Variants in PCDH15 observed in about 807,000 individuals in gnomAD.
The protein encoded by PCDH15 is protocadherin related 15, also known as protocadherin-15.
In PCDH15, 129 loss-of-function variants were observed where a neutral mutation model predicts 178.5. The ratio of observed to expected loss-of-function variants is 0.72; its 90% confidence interval spans 0.63 to 0.84. PCDH15 has a LOEUF of 0.84. PCDH15 is among the 40% of genes least tolerant of loss of function. The pLI is 0.00. For missense variants in PCDH15, 2,230 were observed against 2,099.9 expected (o/e 1.06, Z -1.21); for synonymous variants, 800 against 732.0 (o/e 1.09, Z -1.50).
intron 3 of PCDH15, among the ~76,000 whole-genome samples, chr10:54,888,203 C>T (rs924497688): frequency 6.6e-6 from 1 of 152,086 alleles, no homozygotes; most frequent in African/African-American, 2.4e-5. Context: ...CTCTTCTCTG[C>T]TTTTGCCATT....
At position 53,938,880 on chromosome 10, in the gene PCDH15, T is replaced by C. The variant is rs1429273836; in HGVS notation, c.3308A>G (p.Tyr1103Cys). The part of the protein sequence containing the change: ...GPLDYETRTS[Y>C]VLRVQADSLE... Reference sequence around the variant, plus strand: ...GGAATCAGCTTGGACTCGAAGTACATAGCTTGTCCTGGTCTCATAATCCAG... The same window carrying C: ...GGAATCAGCTTGGACTCGAAGTACACAGCTTGTCCTGGTCTCATAATCCAG... The change falls in exon 25 of 38, where the codon TAT becomes TGT. Residue 1103 changes from tyrosine to cysteine, a missense_variant. Tyr to Cys is a radical substitution (Grantham distance 194). Transcript: ENST00000644397. 5.0e-6 allele frequency: 8 copies of C among 1,613,434 alleles called. No individual in the cohort carries two copies. In the African/African-American group the frequency reaches 9.3e-5, roughly 19 times the overall value.
intron 1 of PCDH15, among the ~76,000 whole-genome samples, chr10:55,212,969 C>T (rs1364060866): frequency 6.6e-6 from 1 of 152,038 alleles, no homozygotes; most frequent in African/African-American, 2.4e-5. Context: ...TAAGGTAGAA[C>T]AGCAGAGCTC....
chr10:54,554,802 A>G (rs117147973), intron 2 of PCDH15, among the ~76,000 whole-genome samples: 2,323 of 152,280 alleles, frequency 0.015, 30 homozygotes, highest in Non-Finnish European at 0.022. Context: ...GACTTCATTG[A>G]CAAACAGAAC....
chr10:53,827,883 T>A (rs1042814445), intron 31 of PCDH15, among the ~76,000 whole-genome samples: 1 of 152,194 alleles, frequency 6.6e-6, no homozygotes, highest in African/African-American at 2.4e-5. Context: ...ATGAATCTCT[T>A]TCATAAGATG....
chr10:54,490,508 AAAT>A (rs1291260187), intron 3 of PCDH15, among the ~76,000 whole-genome samples: 8 of 151,694 alleles, frequency 5.3e-5, no homozygotes, highest in African/African-American at 1.9e-4. Context: ...TCTCAAAAAT[AAAT>A]AATTTTTTAA....
At chr10:54,130,868 G>A (rs754492702) in intron 15 of PCDH15, among the ~76,000 whole-genome samples, 5 of 152,096 alleles carry the variant, frequency 3.3e-5, no homozygotes, top group Non-Finnish European at 5.9e-5. Context: ...GTAATTTGAC[G>A]GGAGCTTTTC....
At chr10:55,143,683 T>C (rs1340085622) in intron 2 of PCDH15, among the ~76,000 whole-genome samples, 1 of 152,074 alleles carries the variant, frequency 6.6e-6, no homozygotes, top group African/African-American at 2.4e-5. Flanking sequence ...ATATTTCAAG[T>C]AGAGACCAGT....
At chr10:54,230,869 G>A (rs1309325021) in intron 9 of PCDH15, among the ~76,000 whole-genome samples, 1 of 152,032 alleles carries the variant, frequency 6.6e-6, no homozygotes. Flanking sequence ...CACATTAGCT[G>A]CTCATATAAG....
At chr10:55,360,848 C>A (rs1361523925) in intron 2 of PCDH15, among the ~76,000 whole-genome samples, 2 of 151,800 alleles carry the variant, frequency 1.3e-5, no homozygotes, top group African/African-American at 2.4e-5. Context: ...ATAAACCATA[C>A]AAAAATGCAT....
intron 2 of PCDH15, among the ~76,000 whole-genome samples, chr10:55,467,966 C>CAAAAAAAAAAAA (rs71463104): frequency 3.8e-4 from 14 of 36,638 alleles, no homozygotes; most frequent in African/African-American, 7.6e-4. Context: ...GACTCCGTCT[C>CAAAAAAAAAAAA]AAAAAAAAAA....
chr10:54,607,949 C>T (rs765620483), intron 2 of PCDH15: 5 of 503,460 alleles, frequency 9.9e-6, no homozygotes, highest in Non-Finnish European at 3.9e-6. Flanking sequence ...ACTTTTGCAC[C>T]AACCTAATAC....
chr10:54,474,775 T>G (rs1262469457), intron 3 of PCDH15, among the ~76,000 whole-genome samples: 2 of 152,024 alleles, frequency 1.3e-5, no homozygotes, highest in Non-Finnish European at 2.9e-5. Context: ...TTTTGCTAAA[T>G]AGAATACAGT....
intron 1 of PCDH15, among the ~76,000 whole-genome samples, chr10:55,221,524 C>T (rs527478203): frequency 2.0e-5 from 3 of 152,138 alleles, no homozygotes; most frequent in South Asian, 4.1e-4. Context: ...CGTGTCGCTA[C>T]CTGTTCATGT....
At chr10:53,874,071 C>A (rs1418579091) in intron 26 of PCDH15, among the ~76,000 whole-genome samples, 1 of 152,038 alleles carries the variant, frequency 6.6e-6, no homozygotes, top group African/African-American at 2.4e-5. Context: ...AGTCTGAATG[C>A]AAAAGTAAAG....
chr10:54,629,256 A>C lies in PCDH15; in HGVS notation c.91+34916T>G, dbSNP rs190864566. ...GTTAGCTAATATTTGTGAGTGTTAC[A>C]TTTAATTAAACATTAAAGAACTTTA... On this transcript the variant is annotated intron_variant, in intron 2 of 37. Coordinates refer to ENST00000644397, the MANE Select transcript of PCDH15 (RefSeq NM_001384140.1). 2.2e-3 allele frequency among the ~76,000 whole-genome samples: 337 copies of C among 152,294 alleles called. 1 individual carries two copies. The highest frequency in any genetic ancestry group is 0.014 in the Middle Eastern group (4 of 294).
intron 32 of PCDH15, among the ~76,000 whole-genome samples, chr10:53,826,506 G>GTTAA (rs1280796472): frequency 1.3e-5 from 2 of 151,906 alleles, no homozygotes; most frequent in African/African-American, 4.8e-5. Context: ...TCAAATTCCA[G>GTTAA]TTAATAAAAG....
intron 10 of PCDH15, among the ~76,000 whole-genome samples, chr10:54,203,840 T>C (rs184289940): frequency 1.3e-5 from 2 of 152,282 alleles, no homozygotes; most frequent in Admixed American, 1.3e-4. Context: ...GAACTACCAA[T>C]GATTCACGCA....
At chr10:55,199,623 T>A (rs1416266339) in intron 1 of PCDH15, among the ~76,000 whole-genome samples, 1 of 151,926 alleles carries the variant, frequency 6.6e-6, no homozygotes, top group East Asian at 1.9e-4. Flanking sequence ...ATGGGGAAAA[T>A]GCCTCCAGGG....
At chr10:53,901,975 CTTTG>C (rs938369268) in intron 26 of PCDH15, among the ~76,000 whole-genome samples, 15 of 152,056 alleles carry the variant, frequency 9.9e-5, no homozygotes, top group East Asian at 1.9e-4. Context: ...CGGGTGGAAA[CTTTG>C]TTTGTTTGTT....
Sources: allele counts gnomAD v4.1 joint callset (sites outside exome capture counted in the v4.1 genomes callset), GRCh38; gene constraint gnomAD v4.1.1; transcripts MANE v1.5; gene names NCBI Gene and HGNC (gene_info 2026-07-23, HGNC 2026-07-21).